LRRK2: variants seen among roughly 807,000 people sequenced by gnomAD.
LRRK2 encodes leucine rich repeat kinase 2.
LRRK2 carries 203 observed loss-of-function variants against 302.6 expected under a neutral mutation model. The observed-to-expected ratio is 0.67, with a 90% confidence interval of 0.60 to 0.75. LRRK2 has a LOEUF of 0.75. LRRK2 is among the 30% of genes least tolerant of loss of function. The pLI is 0.00. For synonymous variants in LRRK2, 1,066 were observed against 1,031.9 expected (o/e 1.03, Z -0.63); for missense variants, 2,830 against 2,951.0 (o/e 0.96, Z 0.95).
At position 40,305,673 on chromosome 12, in the gene LRRK2, G is replaced by C; in HGVS notation, c.3778-112G>C. ...AGTTTTAAAACTCTGTTGAAAGGTT[G>C]TGCAAGCTGCTGATGGAATCTGTGA... On this transcript the variant is annotated intron_variant, in intron 27 of 50. Coordinates refer to ENST00000298910, the MANE Select transcript of LRRK2 (RefSeq NM_198578.4). 4 of 915,206 alleles carry C rather than the reference G, an allele frequency of 4.4e-6. No individual in the cohort carries two copies. The South Asian group carries it at 5.4e-5, about 12-fold the overall frequency. 56.7% of individuals were successfully genotyped at this position (915,206 alleles called of 1,614,324 possible). A position where few individuals can be genotyped will look rare whatever the true frequency, so the allele number is the denominator to read the frequency against.
At chr12:40,261,187 T>G (rs1942758105) in intron 13 of LRRK2, among the ~76,000 whole-genome samples, 1 of 152,178 alleles carries the variant, frequency 6.6e-6, no homozygotes, top group African/African-American at 2.4e-5. Context: ...TTATTGAATT[T>G]TATTTTTAGA....
intron 13 of LRRK2, 97 bp from the exon 14 acceptor site, chr12:40,263,692 G>T: frequency 2.3e-6 from 2 of 855,756 alleles, no homozygotes; most frequent in Admixed American, 2.1e-5. Context: ...CACATATATT[G>T]TGAGATTAAT....
intron 18 of LRRK2, among the ~76,000 whole-genome samples, chr12:40,280,077 G>A (rs1026713265): frequency 9.2e-5 from 14 of 152,188 alleles, no homozygotes; most frequent in Non-Finnish European, 1.9e-4. Flanking sequence ...GTTTAATACT[G>A]GGTATGCAAA....
intron 39 of LRRK2, among the ~76,000 whole-genome samples, chr12:40,333,357 A>G (rs1945772378): frequency 6.6e-6 from 1 of 152,192 alleles, no homozygotes; most frequent in South Asian, 2.1e-4. Context: ...GCTACTCCAC[A>G]TCTTTGAAGC....
chr12:40,244,419 A>G (rs1941878719), intron 7 of LRRK2, among the ~76,000 whole-genome samples: 1 of 152,062 alleles, frequency 6.6e-6, no homozygotes, highest in South Asian at 2.1e-4. Flanking sequence ...ATCCATGGAC[A>G]TTTGGATTCT....
At chr12:40,281,812 T>C (rs1042817302) in intron 18 of LRRK2, among the ~76,000 whole-genome samples, 1 of 152,174 alleles carries the variant, frequency 6.6e-6, no homozygotes, top group Admixed American at 6.5e-5. Context: ...CAGCACACAG[T>C]GCTAGATAAT....
At chr12:40,342,515 CT>C (rs572295480) in intron 41 of LRRK2, among the ~76,000 whole-genome samples, 307 of 140,920 alleles carry the variant, frequency 2.2e-3, no homozygotes, top group African/African-American at 7.7e-3. Context: ...TAGATTTTCT[CT>C]TTATCATTAC....
At position 40,363,548 on chromosome 12, in the gene LRRK2, T is replaced by G; in HGVS notation, c.7175T>G (p.Phe2392Cys). 1 of 1,611,334 alleles carries G rather than the reference T, an allele frequency of 6.2e-7. No homozygotes were observed. The highest frequency in any genetic ancestry group is 8.5e-7 in the Non-Finnish European group (1 of 1,178,202). Residue 2392 changes from phenylalanine to cysteine, a missense_variant, in exon 48 of 51, where the codon TTT becomes TGT. This residue lies in a region of LRRK2 where 456 missense variants were observed against 456.3 expected (regional missense o/e 1.00). Transcript: ENST00000298910. ...TGTGGACTAATAGACTGCGTGCACT[T>G]TTTAAGGTAAATTCTGTGGTTTTTA... ...KLCGLIDCVH[F>C]LREVMVKENK... is the part of the protein sequence containing the mutation.
At chr12:40,255,145 G>C (rs1449122354) in intron 11 of LRRK2, among the ~76,000 whole-genome samples, 1 of 152,136 alleles carries the variant, frequency 6.6e-6, no homozygotes, top group East Asian at 1.9e-4. Context: ...CATTCATTAA[G>C]TAAAAATCCC....
intron 40 of LRRK2, among the ~76,000 whole-genome samples, chr12:40,337,076 G>T (rs1018734530): frequency 8.5e-5 from 13 of 152,174 alleles, no homozygotes; most frequent in African/African-American, 3.1e-4. Flanking sequence ...TTAGCATAAT[G>T]CCAGAAAAGC....
chr12:40,307,061 A>G (rs1392103881), intron 28 of LRRK2, among the ~76,000 whole-genome samples: 1 of 150,974 alleles, frequency 6.6e-6, no homozygotes. Context: ...TTAATATTTA[A>G]TTTAATATAT....
In LRRK2 at chr12:40,278,260, A is replaced by G. The variant is rs1479034794; in HGVS notation, c.2240A>G (p.Gln747Arg). ...AAGGAGGGATCTTCTTTAATTTGTC[A>G]GGTAAATATTCAAGGCCTCACTTTT... ...QAKEGSSLIC[Q>R]VCEKESSPKL... is the part of the protein sequence containing the mutation. The change falls in exon 18 of 51, where the codon CAG (glutamine) becomes CGG (arginine). Residue 747 changes from glutamine to arginine, a missense_variant and splice_region_variant. Coordinates refer to ENST00000298910, the MANE Select transcript of LRRK2 (RefSeq NM_198578.4). The G allele has an allele frequency of 3.1e-6, 5 of 1,614,114 alleles. No homozygotes were observed. Among genetic ancestry groups the G allele is most frequent in the East Asian group, 2.2e-5 (1 of 44,852 alleles).
intron 41 of LRRK2, among the ~76,000 whole-genome samples, chr12:40,346,184 AG>A (rs1395020761): frequency 1.6e-5 from 1 of 62,154 alleles, no homozygotes; most frequent in Non-Finnish European, 5.1e-5. Context: ...CCAAGAGAGA[AG>A]GCTTTTTTTT....
At position 40,305,956 on chromosome 12, in the gene LRRK2, G is replaced by T. The variant is rs573327331; in HGVS notation, c.3949G>T (p.Asp1317Tyr). Residue 1317 changes from aspartate (D) to tyrosine (Y), a missense_variant, in exon 28 of 51, where the codon GAC becomes TAC. Transcript: ENST00000298910. ...TAAACATATAGGATGTAAAGCCAAA[G>T]ACATCATAAGGTTAGATAATTTTTT... ...DFKHIGCKAK[D>Y]IIRFLQQRLK... The T allele has an allele frequency of 6.2e-7, 1 of 1,608,226 alleles. No individual in the cohort carries two copies. Among genetic ancestry groups the T allele is most frequent in the Admixed American group, 1.7e-5 (1 of 59,780 alleles).
intron 14 of LRRK2, among the ~76,000 whole-genome samples, chr12:40,271,199 A>G (rs1943220049): frequency 6.6e-6 from 1 of 152,178 alleles, no homozygotes; most frequent in African/African-American, 2.4e-5. Context: ...AGAGACCACT[A>G]TCTATCACCA....
chr12:40,294,521 A>G (rs1446404579), intron 21 of LRRK2, among the ~76,000 whole-genome samples: 1 of 152,084 alleles, frequency 6.6e-6, no homozygotes, highest in Non-Finnish European at 1.5e-5. Flanking sequence ...TGCTCTTTCG[A>G]ATTTATATAT....
intron 2 of LRRK2, among the ~76,000 whole-genome samples, chr12:40,231,457 G>A (rs942504924): frequency 3.3e-5 from 5 of 149,982 alleles, no homozygotes; most frequent in African/African-American, 9.8e-5. Context: ...TACTTGGGAG[G>A]CTGAAGTGGG....
intron 27 of LRRK2, 44 bp from the exon 28 acceptor site, chr12:40,305,741 C>A (rs375432776): frequency 1.3e-6 from 2 of 1,578,798 alleles, no homozygotes; most frequent in Non-Finnish European, 1.7e-6. Flanking sequence ...GAGCACATTT[C>A]TTCCTTCCCA....
Position 40,282,019 on chromosome 12 carries a change from C to A in LRRK2, c.2242-1856C>A, listed in dbSNP as rs1356039543. On this transcript the variant is annotated intron_variant, in intron 18 of 50. Coordinates refer to ENST00000298910, the MANE Select transcript of LRRK2 (RefSeq NM_198578.4). Reference sequence around the variant, plus strand: ...TTTCCCTCCCTCCCCGCTTCCCTTCCCTTCCCTTCCCTTCCCTTCCCTTCC... The same window carrying A: ...TTTCCCTCCCTCCCCGCTTCCCTTCACTTCCCTTCCCTTCCCTTCCCTTCC... Among the ~76,000 whole-genome samples the A allele has an allele frequency of 5.4e-4, 4 of 7,420 alleles. No individual in the cohort carries two copies. In the East Asian group the frequency reaches 8.1e-3, roughly 15 times the overall value. 4.9% of individuals were successfully genotyped at this position (7,420 alleles called of 152,430 possible).
Sources: gnomAD v4.1 joint callset for allele counts (sites outside exome capture counted in the v4.1 genomes callset) on GRCh38, gnomAD v4.1.1 for gene constraint, gnomAD v4.1.1 regional missense constraint, MANE v1.5 for transcripts, NCBI Gene and HGNC (gene_info 2026-07-23, HGNC 2026-07-21) for gene names.